MSRA: variants seen among roughly 807,000 people sequenced by gnomAD.
MSRA encodes the protein methionine sulfoxide reductase A, also known as mitochondrial peptide methionine sulfoxide reductase.
A neutral mutation model predicts 31.3 loss-of-function variants in MSRA; 54 were observed. That is an observed-to-expected ratio of 1.73 (90% CI 1.39 to 2.17). The LOEUF (loss-of-function observed/expected upper bound fraction) is 2.17. Ranked by LOEUF, MSRA falls within the 30% of genes most tolerant of loss-of-function variation. MSRA has a pLI of 0.00. For missense variants in MSRA, 507 were observed against 300.9 expected, an observed-to-expected ratio of 1.69 and a Z score of -5.07; for synonymous variants, 169 against 116.5, an observed-to-expected ratio of 1.45 and a Z score of -2.90.
intron 5 of MSRA, among the ~76,000 whole-genome samples, chr8:10,423,641 T>C (rs976668167): frequency 1.3e-5 from 2 of 152,084 alleles, no homozygotes; most frequent in African/African-American, 4.8e-5. Flanking sequence ...TCAGGAGCCG[T>C]GGATGACAGA....
At chr8:10,324,903 G>C (rs995429240) in intron 5 of MSRA, among the ~76,000 whole-genome samples, 2 of 152,206 alleles carry the variant, frequency 1.3e-5, no homozygotes, top group African/African-American at 4.8e-5. Context: ...CTGCACTTCT[G>C]AGCTGCACAT....
chr8:10,166,511 T>A (rs1266620226), intron 1 of MSRA, among the ~76,000 whole-genome samples: 3 of 151,960 alleles, frequency 2.0e-5, no homozygotes, highest in Admixed American at 6.6e-5. Context: ...GTATGTGCAT[T>A]TGTGTGTGTG....
At chr8:10,185,948 AAAGGAGGAGTTCTGGGT>A (rs1807011768) in intron 1 of MSRA, among the ~76,000 whole-genome samples, 1 of 152,040 alleles carries the variant, frequency 6.6e-6, no homozygotes. Flanking sequence ...TGACCTGTGC[AAAGGAGGAGTTCTGGGT>A]TGGGGGGAGT....
At chr8:10,345,818 G>A (rs1249816920) in intron 5 of MSRA, among the ~76,000 whole-genome samples, 3 of 152,146 alleles carry the variant, frequency 2.0e-5, no homozygotes, top group Non-Finnish European at 2.9e-5. Context: ...GAGACTAAAA[G>A]GTCAAATCTA....
chr8:10,177,329 C>G (rs1360799583), intron 1 of MSRA, among the ~76,000 whole-genome samples: 1 of 152,176 alleles, frequency 6.6e-6, no homozygotes, highest in Admixed American at 6.5e-5. Flanking sequence ...ATGTAACTGA[C>G]AACACACTGA....
chr8:10,283,153 C>CAT (rs1563306446), intron 3 of MSRA, among the ~76,000 whole-genome samples: 1 of 147,662 alleles, frequency 6.8e-6, no homozygotes, highest in African/African-American at 2.5e-5. Context: ...CACACACACA[C>CAT]ACACACACTC....
chr8:10,401,678 T>C (rs35388602), intron 5 of MSRA, among the ~76,000 whole-genome samples: 45,672 of 96,314 alleles, frequency 0.47, 7,686 homozygotes, highest in Non-Finnish European at 0.6. Flanking sequence ...ATCAGATGAA[T>C]GGGTAAAAAA....
At chr8:10,278,460 A>T (rs1180922560) in intron 3 of MSRA, among the ~76,000 whole-genome samples, 1 of 152,208 alleles carries the variant, frequency 6.6e-6, no homozygotes, top group African/African-American at 2.4e-5. Flanking sequence ...GTGGCAATTC[A>T]GGGGGTCATA....
chr8:10,157,018 A>G (rs1804211708), intron 1 of MSRA, among the ~76,000 whole-genome samples: 1 of 151,752 alleles, frequency 6.6e-6, no homozygotes, highest in South Asian at 2.1e-4. Flanking sequence ...CATTACCAGG[A>G]GGAGACAGGC....
At chr8:10,426,328 GA>G (rs1321441199) in intron 5 of MSRA, among the ~76,000 whole-genome samples, 1 of 152,218 alleles carries the variant, frequency 6.6e-6, no homozygotes, top group Non-Finnish European at 1.5e-5. Flanking sequence ...GGTGTTTACA[GA>G]ATCGTTAGCA....
At chr8:10,235,008 T>C (rs1028809599) in intron 2 of MSRA, among the ~76,000 whole-genome samples, 19 of 152,128 alleles carry the variant, frequency 1.2e-4, no homozygotes, top group African/African-American at 4.3e-4. Context: ...GAATCAGATG[T>C]CTCAATTTGC....
At chr8:10,366,980 C>T (rs183568187) in intron 5 of MSRA, among the ~76,000 whole-genome samples, 391 of 152,280 alleles carry the variant, frequency 2.6e-3, no homozygotes, top group African/African-American at 9.0e-3. Context: ...TCCGCCGTTT[C>T]GCTTTCTGTG....
chr8:10,388,249 A>G (rs1806514602), intron 5 of MSRA, among the ~76,000 whole-genome samples: 1 of 152,172 alleles, frequency 6.6e-6, no homozygotes. Context: ...CAGGAAAACT[A>G]CAGAAAGCAA....
intron 5 of MSRA, among the ~76,000 whole-genome samples, chr8:10,329,144 C>T (rs990093945): frequency 6.6e-6 from 1 of 152,176 alleles, no homozygotes; most frequent in African/African-American, 2.4e-5. Context: ...CTTTTTTGTC[C>T]CTGTGTTAAT....
chr8:10,192,922 G>A (rs961704041), intron 1 of MSRA, among the ~76,000 whole-genome samples: 2 of 152,202 alleles, frequency 1.3e-5, no homozygotes, highest in African/African-American at 4.8e-5. Context: ...CTTTTGAAAT[G>A]TGACTCATTT....
At chr8:10,265,736 G>A (rs914305717) in intron 3 of MSRA, among the ~76,000 whole-genome samples, 1 of 152,166 alleles carries the variant, frequency 6.6e-6, no homozygotes, top group Non-Finnish European at 1.5e-5. Flanking sequence ...AAGTTACCTC[G>A]CATGCCTTCA....
intron 1 of MSRA, among the ~76,000 whole-genome samples, chr8:10,188,488 T>A (rs1775944382): frequency 6.6e-6 from 1 of 152,210 alleles, no homozygotes; most frequent in African/African-American, 2.4e-5. Context: ...AATTACGGAT[T>A]TCGAGTGAAT....
chr8:10,088,779 A>G (rs1444106459), intron 1 of MSRA, among the ~76,000 whole-genome samples: 3 of 152,184 alleles, frequency 2.0e-5, no homozygotes, highest in Admixed American at 6.5e-5. Flanking sequence ...ACCATGTGAT[A>G]TATGTATACA....
intron 5 of MSRA, among the ~76,000 whole-genome samples, chr8:10,398,549 G>A (rs970019854): frequency 6.6e-6 from 1 of 152,236 alleles, no homozygotes; most frequent in African/African-American, 2.4e-5. Context: ...GAAAAACAGA[G>A]TGCCCAGAAC....
Sources: allele counts gnomAD v4.1 joint callset (sites outside exome capture counted in the v4.1 genomes callset), GRCh38; gene constraint gnomAD v4.1.1; transcripts MANE v1.5; gene names NCBI Gene and HGNC (gene_info 2026-07-23, HGNC 2026-07-21).